SLCO1B3: variants seen among roughly 807,000 people sequenced by gnomAD.
SLCO1B3 encodes the protein liver-specific organic anion transporter 2.
Under a neutral mutation model 71.8 loss-of-function variants are expected in SLCO1B3, and 72 were observed. The observed-to-expected ratio is 1.00, with a 90% CI of 0.83 to 1.22. The LOEUF is 1.22. Among genes scored for constraint, SLCO1B3 ranks in the 50% most tolerant of loss-of-function variants. SLCO1B3 has a pLI of 0.00. For missense variants in SLCO1B3, 911 were observed against 819.7 expected, an observed-to-expected ratio of 1.11 and a Z score of -1.36; for synonymous variants, 298 against 278.4, an observed-to-expected ratio of 1.07 and a Z score of -0.70.
chr12:20,830,213 T>C (rs1200605185), intron 3 of SLCO1B3, among the ~76,000 whole-genome samples: 1 of 152,152 alleles, frequency 6.6e-6, no homozygotes, highest in African/African-American at 2.4e-5. Flanking sequence ...CCATCTCCAC[T>C]AAGAGTCCTT....
chr12:20,901,490 C>G (rs760455058), intron 15 of SLCO1B3, 23 bp downstream of exon 15: 1 of 1,230,688 alleles, frequency 8.1e-7, no homozygotes, highest in Non-Finnish European at 1.1e-6. Flanking sequence ...AAACACATTT[C>G]ATTAATAGAT....
intron 3 of SLCO1B3, among the ~76,000 whole-genome samples, chr12:20,826,998 G>C (rs1345313074): frequency 1.3e-5 from 2 of 151,848 alleles, no homozygotes; most frequent in African/African-American, 4.8e-5. Context: ...CATTTTTATA[G>C]CCTGTGATTT....
intron 3 of SLCO1B3, among the ~76,000 whole-genome samples, chr12:20,843,071 A>G (rs1769200182): frequency 6.6e-6 from 1 of 152,096 alleles, no homozygotes; most frequent in Non-Finnish European, 1.5e-5. Flanking sequence ...GTTGTATGCT[A>G]TATTTTGCTA....
chr12:20,897,510 A>G (rs181664815), intron 13 of SLCO1B3, among the ~76,000 whole-genome samples: 6 of 152,278 alleles, frequency 3.9e-5, no homozygotes, highest in Admixed American at 6.5e-5. Flanking sequence ...ATACTTCTAC[A>G]AGTCATTTGG....
chr12:20,835,246 C>T (rs866820714), intron 3 of SLCO1B3, among the ~76,000 whole-genome samples: 18 of 152,214 alleles, frequency 1.2e-4, no homozygotes, highest in Middle Eastern at 3.4e-3. Context: ...ACCTCCAGAC[C>T]CGTGATGGGC....
intron 3 of SLCO1B3, among the ~76,000 whole-genome samples, chr12:20,839,229 A>AATT: frequency 6.6e-6 from 1 of 151,968 alleles, no homozygotes. Flanking sequence ...AAAACTTTTT[A>AATT]ATTTACCTTC....
At chr12:20,849,575 CAAAA>C (rs1254226244) in intron 3 of SLCO1B3, among the ~76,000 whole-genome samples, 2 of 151,910 alleles carry the variant, frequency 1.3e-5, no homozygotes, top group African/African-American at 4.8e-5. Context: ...GAAAAAGAAA[CAAAA>C]GGCATTCAAA....
intron 13 of SLCO1B3, 76 bp downstream of exon 13, chr12:20,883,678 T>G: frequency 1.0e-6 from 1 of 960,780 alleles, no homozygotes; most frequent in Non-Finnish European, 1.5e-6. Context: ...TTTTTCTGTA[T>G]TTTGAGCTCA....
chr12:20,872,088 C>G (rs1292264704), intron 8 of SLCO1B3, among the ~76,000 whole-genome samples: 1 of 151,932 alleles, frequency 6.6e-6, no homozygotes, highest in Non-Finnish European at 1.5e-5. Flanking sequence ...TACGCTGGCA[C>G]CCAAACCACA....
chr12:20,866,281 T>C (rs1040104842), intron 8 of SLCO1B3, among the ~76,000 whole-genome samples: 1 of 152,088 alleles, frequency 6.6e-6, no homozygotes, highest in African/African-American at 2.4e-5. Context: ...CAAGGACCAT[T>C]GTAAAACAAA....
intron 3 of SLCO1B3, among the ~76,000 whole-genome samples, chr12:20,831,171 G>A (rs1448777703): frequency 6.6e-6 from 1 of 151,910 alleles, no homozygotes. Flanking sequence ...AGCCTGGCCA[G>A]TATGATGAAA....
chr12:20,832,918 C>G (rs527487694), intron 3 of SLCO1B3, among the ~76,000 whole-genome samples: 10 of 150,874 alleles, frequency 6.6e-5, no homozygotes, highest in African/African-American at 2.4e-4. Context: ...TGTTTGCGCA[C>G]GTGTGTTTAA....
At chr12:20,911,667 T>C (rs1287884960) in intron 15 of SLCO1B3, among the ~76,000 whole-genome samples, 2 of 152,204 alleles carry the variant, frequency 1.3e-5, no homozygotes, top group African/African-American at 4.8e-5. Context: ...TTCAGGTAGA[T>C]TGTATCTTTC....
chr12:20,860,876 G>A, intron 5 of SLCO1B3, 141 bp from the exon 6 acceptor site: 1 of 828,500 alleles, frequency 1.2e-6, no homozygotes, highest in South Asian at 1.8e-5. Context: ...TGAAATACAT[G>A]CTGGGAAGTT....
chr12:20,879,034 A>G (rs1180198005), intron 10 of SLCO1B3, among the ~76,000 whole-genome samples: 1 of 152,084 alleles, frequency 6.6e-6, no homozygotes. Context: ...ATTGCCAGAA[A>G]AAAAGAAAGC....
At chr12:20,824,981 A>AT (rs750280033) in intron 3 of SLCO1B3, among the ~76,000 whole-genome samples, 27 of 152,126 alleles carry the variant, frequency 1.8e-4, no homozygotes, top group Non-Finnish European at 2.8e-4. Context: ...AAAAATCTTT[A>AT]TTTTTTGAGA....
intron 3 of SLCO1B3, among the ~76,000 whole-genome samples, chr12:20,817,812 G>C (rs965042882): frequency 6.6e-6 from 1 of 151,808 alleles, no homozygotes; most frequent in Non-Finnish European, 1.5e-5. Context: ...GGATGGTCTC[G>C]ATCTCCTGAC....
intron 15 of SLCO1B3, among the ~76,000 whole-genome samples, chr12:20,904,723 C>T (rs1438756747): frequency 7.4e-5 from 11 of 148,342 alleles, no homozygotes; most frequent in African/African-American, 2.7e-4. Context: ...AGGGCTCCAC[C>T]CCTGCAGCAG....
At chr12:20,913,997 C>G (rs1866441287) in intron 15 of SLCO1B3, among the ~76,000 whole-genome samples, 2 of 152,168 alleles carry the variant, frequency 1.3e-5, no homozygotes, top group Admixed American at 1.3e-4. Context: ...CTCCTGTACT[C>G]ACTTGATTCT....
Sources: allele counts gnomAD v4.1 joint callset (sites outside exome capture counted in the v4.1 genomes callset), GRCh38; gene constraint gnomAD v4.1.1; transcripts MANE v1.5; gene names NCBI Gene and HGNC (gene_info 2026-07-23, HGNC 2026-07-21).